The following BICDL1 variants were observed in gnomAD, a reference collection of about 807,000 sequenced individuals.
The protein encoded by BICDL1 is BICD family like cargo adaptor 1, also known as BICD family-like cargo adapter 1.
A neutral mutation model predicts 76.8 loss-of-function variants in BICDL1; 20 were observed. That is an observed-to-expected ratio of 0.26 (90% CI 0.18 to 0.38). The LOEUF is 0.38. BICDL1 is among the 10% of genes least tolerant of loss of function. BICDL1 has a pLI of 1.00. For synonymous variants in BICDL1, 383 were observed against 337.1 expected (o/e 1.14, Z -1.49); for missense variants, 700 against 798.6 (o/e 0.88, Z 1.49).
At position 120,058,351 on chromosome 12, in the gene BICDL1, G is replaced by A. The variant is rs987315617; in HGVS notation, c.646-3359G>A. ...CTTTGAGAAGAGGTAGTCTGCAGGA[G>A]CATTTTATACCAGCTGGACTAGATT... On this transcript the variant is annotated intron_variant, in intron 2 of 9. Coordinates refer to ENST00000548673, the MANE Select transcript of BICDL1 (RefSeq NM_001367886.1). Among the ~76,000 whole-genome samples the A allele has an allele frequency of 7.2e-5, 11 of 152,262 alleles. No individual in the cohort carries two copies. The East Asian group carries it at 1.7e-3, about 24-fold the overall frequency.
chr12:120,086,967 T>C (rs1302220514), intron 8 of BICDL1, among the ~76,000 whole-genome samples: 1 of 152,176 alleles, frequency 6.6e-6, no homozygotes. Flanking sequence ...AACCCCACCA[T>C]GCCCGGCGCT....
chr12:120,067,316 G>A (rs544385776), intron 4 of BICDL1, among the ~76,000 whole-genome samples: 1 of 152,384 alleles, frequency 6.6e-6, no homozygotes, highest in South Asian at 2.1e-4. Context: ...CCAGGAAGCA[G>A]GTGACCTGGA....
intron 8 of BICDL1, 151 bp downstream of exon 8, chr12:120,081,168 C>T (rs1736883675): frequency 1.4e-6 from 1 of 690,452 alleles, no homozygotes; most frequent in African/African-American, 1.9e-5. Flanking sequence ...CCCCCACCCC[C>T]ATTCCCATTC....
At chr12:120,040,223 C>T (rs1408089202) in intron 2 of BICDL1, among the ~76,000 whole-genome samples, 1 of 152,022 alleles carries the variant, frequency 6.6e-6, no homozygotes, top group Non-Finnish European at 1.5e-5. Context: ...CTGCCTCAGC[C>T]TATCGAGTTG....
At chr12:120,050,553 C>T (rs1202415755) in intron 2 of BICDL1, among the ~76,000 whole-genome samples, 2 of 152,150 alleles carry the variant, frequency 1.3e-5, no homozygotes, top group South Asian at 2.1e-4. Flanking sequence ...AGGCGTGAGC[C>T]ACCACGCCTG....
At chr12:120,089,743 G>A (rs1415093211) in intron 8 of BICDL1, among the ~76,000 whole-genome samples, 3 of 152,198 alleles carry the variant, frequency 2.0e-5, no homozygotes, top group African/African-American at 7.2e-5. Context: ...CCTACAGGTT[G>A]GTTATGAAAA....
intron 2 of BICDL1, among the ~76,000 whole-genome samples, chr12:120,005,481 CT>C (rs1158557578): frequency 6.6e-6 from 1 of 152,174 alleles, no homozygotes; most frequent in African/African-American, 2.4e-5. Flanking sequence ...TTAAATGATT[CT>C]TGTGTCTCAG....
intron 2 of BICDL1, 81 bp downstream of exon 2, chr12:119,998,817 C>T: frequency 7.2e-7 from 1 of 1,384,364 alleles, no homozygotes; most frequent in Admixed American, 2.2e-5. Flanking sequence ...GCCTGTGACG[C>T]CAGCATTTCG....
chr12:120,035,572 C>T (rs1952515599), intron 2 of BICDL1, among the ~76,000 whole-genome samples: 1 of 152,182 alleles, frequency 6.6e-6, no homozygotes, highest in South Asian at 2.1e-4. Flanking sequence ...GACTCTAAAA[C>T]CCTGCTCTTA....
chr12:120,018,875 C>G (rs1428246304), intron 2 of BICDL1: 1 of 151,950 alleles, frequency 6.6e-6, no homozygotes, highest in Admixed American at 6.6e-5. Context: ...GAAACACCGT[C>G]TCTACTAAAA....
At chr12:120,062,971 T>C (rs1953138358) in intron 3 of BICDL1, among the ~76,000 whole-genome samples, 1 of 152,082 alleles carries the variant, frequency 6.6e-6, no homozygotes, top group African/African-American at 2.4e-5. Context: ...AGTTTCAGGG[T>C]GTATAGCGCT....
intron 2 of BICDL1, among the ~76,000 whole-genome samples, chr12:120,055,235 G>T (rs1267176489): frequency 6.6e-6 from 1 of 152,138 alleles, no homozygotes; most frequent in African/African-American, 2.4e-5. Context: ...AAGTTTATTA[G>T]TTCATTTGTT....
intron 8 of BICDL1, among the ~76,000 whole-genome samples, chr12:120,087,827 A>C (rs1217042473): frequency 6.6e-6 from 1 of 152,230 alleles, no homozygotes; most frequent in Non-Finnish European, 1.5e-5. Flanking sequence ...CAAATGTGAA[A>C]ATAAAAAAAT....
intron 1 of BICDL1, chr12:119,992,565 C>T (rs1484150149): frequency 6.6e-6 from 1 of 152,058 alleles, no homozygotes; most frequent in African/African-American, 2.4e-5. Flanking sequence ...AAAAATGTTT[C>T]GTAGAGATGG....
chr12:120,028,437 G>A (rs1389430093), intron 2 of BICDL1, among the ~76,000 whole-genome samples: 1 of 152,092 alleles, frequency 6.6e-6, no homozygotes, highest in Non-Finnish European at 1.5e-5. Context: ...CACCTTGAGA[G>A]GCCAAGGCAG....
chr12:120,068,542 G>A (rs117598964), intron 4 of BICDL1, among the ~76,000 whole-genome samples: 2,148 of 152,370 alleles, frequency 0.014, 23 homozygotes, highest in South Asian at 0.029. Context: ...TAGGCCGGGC[G>A]TGGTGGCTTA....
At chr12:120,084,482 G>A (rs1874243088) in intron 8 of BICDL1, among the ~76,000 whole-genome samples, 1 of 152,124 alleles carries the variant, frequency 6.6e-6, no homozygotes, top group South Asian at 2.1e-4. Flanking sequence ...TTGCTACACT[G>A]CTACTTGTTG....
At chr12:120,054,060 C>CA (rs1490058768) in intron 2 of BICDL1, among the ~76,000 whole-genome samples, 1 of 144,604 alleles carries the variant, frequency 6.9e-6, no homozygotes, top group Non-Finnish European at 1.5e-5. Flanking sequence ...CCTATAATCC[C>CA]AAAAAAATTG....
intron 2 of BICDL1, among the ~76,000 whole-genome samples, chr12:120,041,745 A>G (rs117322043): frequency 0.011 from 1,743 of 152,278 alleles, 16 homozygotes; most frequent in Middle Eastern, 0.017. Flanking sequence ...TGTTCCAGGC[A>G]GAGGGGAATC....
Sources: allele counts gnomAD v4.1 joint callset (sites outside exome capture counted in the v4.1 genomes callset), GRCh38; gene constraint gnomAD v4.1.1; transcripts MANE v1.5; gene names NCBI Gene and HGNC (gene_info 2026-07-23, HGNC 2026-07-21).